TWNK: variants seen among roughly 807,000 people sequenced by gnomAD.
The protein encoded by TWNK is T7 gp4-like protein with intramitochondrial nucleoid localization.
In TWNK, 36 loss-of-function variants were observed where a neutral mutation model predicts 58.2. That is an observed-to-expected ratio of 0.62 (90% CI 0.47 to 0.82). The LOEUF is 0.82. Among genes scored for constraint, TWNK ranks in the 40% least tolerant of loss-of-function variants. TWNK has a pLI of 0.00. For synonymous variants in TWNK, 349 were observed against 348.5 expected (o/e 1.00, Z -0.02); for missense variants, 714 against 881.0 (o/e 0.81, Z 2.40).
At position 100,989,008 on chromosome 10, in the gene TWNK, G is replaced by A; in HGVS notation, c.798G>A (p.Glu266=). 6.2e-7 allele frequency: 1 copy of A among 1,614,196 alleles called. No homozygotes were observed. Among genetic ancestry groups the A allele is most frequent in the Non-Finnish European group, 8.5e-7 (1 of 1,180,040 alleles). ...CTGAGGTGGTACTGACGAGTCGTGAGCTTGACAGCCTGGCCTTGAACCAGT... is the reference window on the plus strand; with the variant it reads ...CTGAGGTGGTACTGACGAGTCGTGAACTTGACAGCCTGGCCTTGAACCAGT... The part of the protein sequence containing the change: ...RDAEVVLTSR[E]LDSLALNQST... The change falls in exon 1 of 5, where the codon GAG becomes GAA. Residue 266 remains glutamate (E), a synonymous_variant. Transcript: ENST00000311916. This position sits in a 1 kb window ranked among gnomAD's most constrained non-coding sequence, Gnocchi z 7.6.
chr10:100,989,412 T>C lies in TWNK; in HGVS notation c.1202T>C (p.Ile401Thr). Residue 401 changes from isoleucine to threonine, a missense_variant, in exon 1 of 5, where the codon ATC (isoleucine) becomes ACC (threonine). By Grantham distance (89) the Ile-to-Thr change is moderately conservative (BLOSUM62 -1). Coordinates refer to ENST00000311916, the MANE Select transcript of TWNK (RefSeq NM_021830.5). The surrounding 1 kb of genome is among the most constrained non-coding windows in gnomAD (Gnocchi z 7.6). Reference sequence around the variant, plus strand: ...AGCCGCTTTCCAGACCTCAATCGTATCTTGAAGGGACATCGAAAGGGCGAG... The same window carrying C: ...AGCCGCTTTCCAGACCTCAATCGTACCTTGAAGGGACATCGAAAGGGCGAG... ...RWSRFPDLNR[I>T]LKGHRKGELT... 2 of 1,614,158 alleles carry C rather than the reference T, an allele frequency of 1.2e-6. No individual in the cohort carries two copies. The highest frequency in any genetic ancestry group is 1.7e-6 in the Non-Finnish European group (2 of 1,180,028).
rs1012568314 is a variant in TWNK at position 100,988,015 on chromosome 10, G to T, written c.-196G>T. 1.5e-5 allele frequency: 10 copies of T among 681,724 alleles called. No homozygotes were observed. In the African/African-American group the frequency reaches 1.8e-4, roughly 12 times the overall value. The allele number at this position is 681,724 out of a possible 1,614,324, so 42.2% of individuals were successfully genotyped here. ...TTGTAGAAGGACGTGGACGCGAAAG[G>T]GTCGTGTAGATGGGCATATGTGTGA... On this transcript the variant is annotated 5_prime_UTR_variant, in exon 1 of 5. Coordinates refer to ENST00000311916, the MANE Select transcript of TWNK (RefSeq NM_021830.5). The surrounding 1 kb of genome is among the most constrained non-coding windows in gnomAD (Gnocchi z 5.2).
Position 100,990,927 on chromosome 10 carries a change from T to G in TWNK, c.1651T>G (p.Cys551Gly). ...TCGGAAGTTTGCAACAGACAATAACTGCCATGTGACACTGGTCATTCACCC... is the reference window on the plus strand; with the variant it reads ...TCGGAAGTTTGCAACAGACAATAACGGCCATGTGACACTGGTCATTCACCC... ...VFRKFATDNN[C>G]HVTLVIHPRK... The change falls in exon 4 of 5, where the codon TGC becomes GGC. Residue 551 changes from cysteine to glycine, a missense_variant. Cys to Gly is a radical substitution (Grantham distance 159). Around this residue, in one of 3 missense-constraint regions of TWNK, gnomAD observed 302 missense variants for 438.6 expected, o/e 0.69. Transcript: ENST00000311916. 6.2e-7 allele frequency: 1 copy of G among 1,614,256 alleles called. No individual in the cohort carries two copies. The highest frequency in any genetic ancestry group is 8.5e-7 in the Non-Finnish European group (1 of 1,180,050).
Position 100,993,180 on chromosome 10 carries a change from T to G in TWNK, c.1735-10T>G. On this transcript the variant is annotated splice_polypyrimidine_tract_variant and intron_variant, in intron 4 of 4. Coordinates refer to ENST00000311916, the MANE Select transcript of TWNK (RefSeq NM_021830.5). ...CTCCTGCTTTCCTCCTTCTGCCCCC[T>G]GTTCCCCAGGCAAGCCAGGAAGCAG... 1 of 1,614,098 alleles carries G rather than the reference T, an allele frequency of 6.2e-7. No individual in the cohort carries two copies. Among genetic ancestry groups the G allele is most frequent in the East Asian group, 2.2e-5 (1 of 44,872 alleles).
Position 100,989,551 on chromosome 10 carries a change from G to A in TWNK, c.1244-93G>A. The A allele has an allele frequency of 6.2e-7, 1 of 1,609,344 alleles. No individual in the cohort carries two copies. Among genetic ancestry groups the A allele is most frequent in the Non-Finnish European group, 8.5e-7 (1 of 1,178,212 alleles). ...CCATGACAATGTTGAAAAGAAGGTT[G>A]GCCCTTTCCCCCCAGTTTTAAAGCC... On this transcript the variant is annotated intron_variant, in intron 1 of 4. Coordinates refer to ENST00000311916, the MANE Select transcript of TWNK (RefSeq NM_021830.5). The surrounding 1 kb of genome is among the most constrained non-coding windows in gnomAD (Gnocchi z 7.6).
rs1051839743 is a variant in TWNK, at chr10:100,988,717, T to G, written c.507T>G (p.Asp169Glu). 1 of 1,614,128 alleles carries G rather than the reference T, an allele frequency of 6.2e-7. No individual in the cohort carries two copies. Among genetic ancestry groups the G allele is most frequent in the Non-Finnish European group, 8.5e-7 (1 of 1,180,010 alleles). Residue 169 changes from aspartate (D) to glutamate (E), a missense_variant, in exon 1 of 5, where the codon GAT (aspartate) becomes GAG (glutamate). Physicochemically the swap from Asp to Glu is conservative, Grantham distance 45. Coordinates refer to ENST00000311916, the MANE Select transcript of TWNK (RefSeq NM_021830.5). This position sits in a 1 kb window ranked among gnomAD's most constrained non-coding sequence, Gnocchi z 5.2. ...NRAIPLWELP[D>E]QEEVQLADTM... ...CAATACCTCTCTGGGAGCTGCCTGA[T>G]CAGGAGGAGGTTCAGCTGGCTGATA...
chr10:100,992,920 G>C (rs1483429938), intron 4 of TWNK, among the ~76,000 whole-genome samples: 4 of 152,140 alleles, frequency 2.6e-5, no homozygotes, highest in Non-Finnish European at 4.4e-5. Context: ...CCAAGAAGCT[G>C]GGACTATAGG....
rs757583061 is a variant in TWNK at position 100,989,788 on chromosome 10, G to A, written c.1388G>A (p.Arg463Gln). 10 of 1,614,066 alleles carry A rather than the reference G, an allele frequency of 6.2e-6. No individual in the cohort carries two copies. The highest frequency in any genetic ancestry group is 2.2e-5 in the East Asian group (1 of 44,904). The stretch of plus-strand genomic sequence containing the variant: ...ATGCTGACACAGTTTGCCGAGGGGC[G>A]GCTGGAAGATCAACTGGACAAATAT... ...RVMLTQFAEG[R>Q]LEDQLDKYDH... The change falls in exon 2 of 5, where the codon CGG (arginine) becomes CAG (glutamine). Residue 463 changes from arginine (R) to glutamine (Q), a missense_variant. By Grantham distance (43) the Arg-to-Gln change is conservative (BLOSUM62 1). Around this residue, in one of 3 missense-constraint regions of TWNK, gnomAD observed 302 missense variants for 438.6 expected, o/e 0.69. Transcript: ENST00000311916. The surrounding 1 kb of genome is among the most constrained non-coding windows in gnomAD (Gnocchi z 7.6).
rs1400688982 is a variant in TWNK, at chr10:100,989,896, A to G, written c.1484+12A>G. Reference sequence around the variant, plus strand: ...CAGCAAAGCATCAGGTGAGACTCCCAGATTCCAGCCACCTTGCTTTCCCAG... The same window carrying G: ...CAGCAAAGCATCAGGTGAGACTCCCGGATTCCAGCCACCTTGCTTTCCCAG... On this transcript the variant is annotated intron_variant, in intron 2 of 4. Transcript: ENST00000311916. The surrounding 1 kb of genome is among the most constrained non-coding windows in gnomAD (Gnocchi z 7.6). The G allele has an allele frequency of 6.2e-7, 1 of 1,614,176 alleles. No individual in the cohort carries two copies. The highest frequency in any genetic ancestry group is 8.5e-7 in the Non-Finnish European group (1 of 1,180,024).
At chr10:100,991,446 C>G (rs1043327403) in intron 4 of TWNK, among the ~76,000 whole-genome samples, 1 of 151,396 alleles carries the variant, frequency 6.6e-6, no homozygotes, top group African/African-American at 2.4e-5. Flanking sequence ...TCAGGACCAG[C>G]CCAATCCTGG....
intron 4 of TWNK, among the ~76,000 whole-genome samples, chr10:100,992,219 T>C (rs1851798021): frequency 8.1e-6 from 1 of 123,004 alleles, no homozygotes; most frequent in African/African-American, 3.1e-5. Flanking sequence ...TTTTTTTTTT[T>C]TTTTTTTTTT....
At chr10:100,991,745 G>A (rs1443852626) in intron 4 of TWNK, among the ~76,000 whole-genome samples, 1 of 151,974 alleles carries the variant, frequency 6.6e-6, no homozygotes, top group East Asian at 1.9e-4. Flanking sequence ...AGGCGTGGTG[G>A]CTCACGCTTA....
rs1851834398 is a variant in TWNK, at chr10:100,993,268, G to A, written c.1813G>A (p.Val605Met). 1 of 1,614,106 alleles carries A rather than the reference G, an allele frequency of 6.2e-7. No individual in the cohort carries two copies. Among genetic ancestry groups the A allele is most frequent in the African/African-American group, 1.3e-5 (1 of 74,914 alleles). ...CGGGCCAGGGAAACGGTATCTGCAG[G>A]TGTCCAAGAACCGCTTTGATGGAGA... ...VTGPGKRYLQ[V>M]SKNRFDGDVG... is the part of the protein sequence containing the mutation. The change falls in exon 5 of 5, where the codon GTG (valine) becomes ATG (methionine). Residue 605 changes from valine (V) to methionine (M), a missense_variant. Transcript: ENST00000311916.
chr10:100,990,627 A>G, intron 3 of TWNK, 84 bp downstream of exon 3: 5 of 1,610,964 alleles, frequency 3.1e-6, no homozygotes, highest in Non-Finnish European at 4.2e-6. Flanking sequence ...CTCTAGGCAC[A>G]CATGCTGTGC....
At position 100,988,438 on chromosome 10, in the gene TWNK, T is replaced by C. The variant is rs1428004155; in HGVS notation, c.228T>C (p.Ser76=). ...GHGIPFQDGH[S]CLRALSPFAE... is the part of the protein sequence containing the mutation. The stretch of plus-strand genomic sequence containing the variant: ...GGATCCCCTTCCAGGATGGTCACAG[T>C]TGCCTGCGGGCACTGAGCCCCTTTG... Residue 76 remains serine, a synonymous_variant, in exon 1 of 5, where the codon AGT becomes AGC. Transcript: ENST00000311916. The surrounding 1 kb of genome is among the most constrained non-coding windows in gnomAD (Gnocchi z 5.2). 6.2e-7 allele frequency: 1 copy of C among 1,614,150 alleles called. No individual in the cohort carries two copies. The highest frequency in any genetic ancestry group is 1.3e-5 in the African/African-American group (1 of 74,952).
In TWNK at chr10:100,989,902, C is replaced by T. The variant is rs765279725; in HGVS notation, c.1484+18C>T. The T allele has an allele frequency of 1.2e-5, 20 of 1,614,028 alleles. No homozygotes were observed. The highest frequency in any genetic ancestry group is 6.7e-5 in the African/African-American group (5 of 74,940). ...AGCATCAGGTGAGACTCCCAGATTC[C>T]AGCCACCTTGCTTTCCCAGACATAT... On this transcript the variant is annotated intron_variant, in intron 2 of 4. Transcript: ENST00000311916. The surrounding 1 kb of genome is among the most constrained non-coding windows in gnomAD (Gnocchi z 7.6).
rs1851863704 is a variant in TWNK, at chr10:100,994,207, G to A, written c.*697G>A. 1 of 152,858 alleles carries A rather than the reference G, an allele frequency of 6.5e-6. No individual in the cohort carries two copies. The highest frequency in any genetic ancestry group is 2.4e-5 in the African/African-American group (1 of 41,426). 9.5% of individuals were successfully genotyped at this position (152,858 alleles called of 1,614,324 possible). A position where few individuals can be genotyped will look rare whatever the true frequency, so the allele number is the denominator to read the frequency against. On this transcript the variant is annotated 3_prime_UTR_variant, in exon 5 of 5. Transcript: ENST00000311916. ...ACTAGAATTGGATCCTAGGTGCTTA[G>A]CCCTGCAATATCAGGGCCTCACTGG...
intron 4 of TWNK, among the ~76,000 whole-genome samples, chr10:100,991,467 G>A (rs543036906): frequency 6.6e-6 from 1 of 152,326 alleles, no homozygotes; most frequent in South Asian, 2.1e-4. Flanking sequence ...AGCTTCTAGT[G>A]TTACACTGAA....
In TWNK at chr10:100,988,506, C is replaced by T. The variant is rs760229194; in HGVS notation, c.296C>T (p.Ser99Phe). 3.1e-6 allele frequency: 5 copies of T among 1,614,128 alleles called. No homozygotes were observed. Among genetic ancestry groups the T allele is most frequent in the South Asian group, 1.1e-5 (1 of 91,096 alleles). The change falls in exon 1 of 5, where the codon TCC becomes TTC. Residue 99 changes from serine to phenylalanine, a missense_variant. Coordinates refer to ENST00000311916, the MANE Select transcript of TWNK (RefSeq NM_021830.5). This position sits in a 1 kb window ranked among gnomAD's most constrained non-coding sequence, Gnocchi z 5.2. The part of the protein sequence containing the change: ...QLKGQTGVTT[S>F]FSLFIDKTTG... ...AAAGGCCAGACTGGTGTTACCACTT[C>T]CTTCAGCCTCTTCATTGACAAGACC...
Sources: gnomAD v4.1 joint callset for allele counts (sites outside exome capture counted in the v4.1 genomes callset) on GRCh38, gnomAD v4.1.1 for gene constraint, gnomAD v4.1.1 regional missense constraint, Gnocchi (gnomAD v3.1) non-coding constraint, MANE v1.5 for transcripts, NCBI Gene and HGNC (gene_info 2026-07-23, HGNC 2026-07-21) for gene names.